The following GABRB1 variants were observed in gnomAD, a reference collection of about 807,000 sequenced individuals.
GABRB1 encodes gamma-aminobutyric acid receptor subunit beta-1.
Under a neutral mutation model 51.6 loss-of-function variants are expected in GABRB1, and 17 were observed. The ratio of observed to expected loss-of-function variants is 0.33; its 90% CI spans 0.23 to 0.49. The LOEUF is 0.49. Among genes scored for constraint, GABRB1 ranks in the 20% least tolerant of loss-of-function variants. GABRB1 has a pLI of 0.99. For missense variants in GABRB1, 410 were observed against 600.6 expected, an observed-to-expected ratio of 0.68 and a Z score of 3.32; for synonymous variants, 247 against 218.9, an observed-to-expected ratio of 1.13 and a Z score of -1.14.
intron 3 of GABRB1, among the ~76,000 whole-genome samples, chr4:47,039,718 T>C (rs1446086281): frequency 2.0e-5 from 3 of 152,132 alleles, no homozygotes; most frequent in African/African-American, 7.2e-5. Context: ...TTGCAGCCTA[T>C]ATACATTTCC....
At chr4:47,253,273 A>C (rs1041126488) in intron 4 of GABRB1, among the ~76,000 whole-genome samples, 1 of 152,228 alleles carries the variant, frequency 6.6e-6, no homozygotes, top group Non-Finnish European at 1.5e-5. Context: ...AGAGGTTGTT[A>C]GTTGTTTATG....
intron 3 of GABRB1, among the ~76,000 whole-genome samples, chr4:47,064,892 A>G (rs933954009): frequency 9.9e-5 from 15 of 152,200 alleles, no homozygotes; most frequent in African/African-American, 3.6e-4. Flanking sequence ...AATGTTTGTG[A>G]AAGCCAATAG....
chr4:47,400,281 A>G (rs1189100646), intron 5 of GABRB1, among the ~76,000 whole-genome samples: 2 of 152,212 alleles, frequency 1.3e-5, no homozygotes, highest in Non-Finnish European at 2.9e-5. Flanking sequence ...ATTTTTACCA[A>G]GAGTGAGGAA....
intron 3 of GABRB1, chr4:47,043,291 C>T (rs1725937258): frequency 6.6e-6 from 1 of 152,032 alleles, no homozygotes; most frequent in South Asian, 2.1e-4. Flanking sequence ...GATATATTCA[C>T]AAAACTGGAA....
At chr4:47,312,816 C>A (rs533552854) in intron 4 of GABRB1, among the ~76,000 whole-genome samples, 3 of 152,190 alleles carry the variant, frequency 2.0e-5, no homozygotes, top group African/African-American at 7.2e-5. Flanking sequence ...TTGCTATTTG[C>A]AAATGTACCC....
At chr4:47,249,434 G>T (rs1721895094) in intron 4 of GABRB1, among the ~76,000 whole-genome samples, 1 of 152,050 alleles carries the variant, frequency 6.6e-6, no homozygotes, top group South Asian at 2.1e-4. Context: ...CTATCATGTG[G>T]TCTATCTTGG....
intron 3 of GABRB1, among the ~76,000 whole-genome samples, chr4:47,124,835 G>A: frequency 6.6e-6 from 1 of 152,112 alleles, no homozygotes; most frequent in African/African-American, 2.4e-5. Flanking sequence ...AAATGAAAAG[G>A]AGGAAGGAAA....
chr4:47,354,492 T>C (rs560627502), intron 5 of GABRB1, among the ~76,000 whole-genome samples: 2 of 152,170 alleles, frequency 1.3e-5, no homozygotes, highest in Non-Finnish European at 2.9e-5. Context: ...CCCAGAACTC[T>C]GTGTTCTCAT....
intron 4 of GABRB1, among the ~76,000 whole-genome samples, chr4:47,285,734 A>G (rs1344023257): frequency 6.6e-5 from 10 of 152,200 alleles, no homozygotes; most frequent in Non-Finnish European, 2.9e-5. Flanking sequence ...TCTCTGAAAT[A>G]GCATCTACAT....
intron 4 of GABRB1, among the ~76,000 whole-genome samples, chr4:47,190,439 C>T (rs1232789029): frequency 6.6e-6 from 1 of 152,080 alleles, no homozygotes; most frequent in Non-Finnish European, 1.5e-5. Flanking sequence ...AAACTATGTG[C>T]TAACGGCTTT....
Position 47,392,402 on chromosome 4 carries a change from A to G in GABRB1, c.545-10916A>G, listed in dbSNP as rs13109462. The stretch of plus-strand genomic sequence containing the variant: ...TCACCAGGCTGAATGAAGTGCAATG[A>G]CACAATCTCGGCTCACTGCAACCTC... On this transcript the variant is annotated intron_variant, in intron 5 of 8. Transcript: ENST00000295454. Among the ~76,000 whole-genome samples, 746 of 146,068 alleles carry G rather than the reference A, an allele frequency of 5.1e-3. 7 individuals are homozygous for G. Among genetic ancestry groups the G allele is most frequent in the African/African-American group, 0.017 (680 of 39,068 alleles).
At chr4:47,404,176 C>T (rs1173822075) in intron 7 of GABRB1, among the ~76,000 whole-genome samples, 1 of 152,094 alleles carries the variant, frequency 6.6e-6, no homozygotes, top group African/African-American at 2.4e-5. Context: ...CGTATCAAGC[C>T]ACGTCTCCTT....
intron 4 of GABRB1, among the ~76,000 whole-genome samples, chr4:47,244,083 T>G (rs1560294504): frequency 6.6e-6 from 1 of 152,220 alleles, no homozygotes; most frequent in Non-Finnish European, 1.5e-5. Flanking sequence ...ATTGAGAGTT[T>G]TTAGCATGAA....
intron 3 of GABRB1, among the ~76,000 whole-genome samples, chr4:47,093,747 G>C (rs1026654891): frequency 6.6e-6 from 1 of 152,164 alleles, no homozygotes; most frequent in African/African-American, 2.4e-5. Flanking sequence ...TTTAAGAGTT[G>C]ATAAGGCACC....
intron 1 of GABRB1, among the ~76,000 whole-genome samples, chr4:47,001,107 G>A (rs1217253517): frequency 6.6e-6 from 1 of 152,040 alleles, no homozygotes; most frequent in Non-Finnish European, 1.5e-5. Flanking sequence ...CAGATGTTTG[G>A]TAAGATATTA....
At chr4:47,275,724 T>G (rs1341689512) in intron 4 of GABRB1, among the ~76,000 whole-genome samples, 3 of 152,142 alleles carry the variant, frequency 2.0e-5, no homozygotes. Flanking sequence ...TCATTTTTGT[T>G]GTGCAAAATT....
chr4:47,191,167 T>C (rs145274792), intron 4 of GABRB1, among the ~76,000 whole-genome samples: 2 of 152,146 alleles, frequency 1.3e-5, no homozygotes, highest in African/African-American at 2.4e-5. Flanking sequence ...ACTAAACCAA[T>C]GTTAAGTTTT....
At chr4:47,053,254 T>C (rs1726435576) in intron 3 of GABRB1, among the ~76,000 whole-genome samples, 6 of 152,168 alleles carry the variant, frequency 3.9e-5, no homozygotes, top group Admixed American at 3.3e-4. Flanking sequence ...AAAATTATCA[T>C]AGGCTCTGTG....
chr4:47,124,229 G>A (rs1716007726), intron 3 of GABRB1, among the ~76,000 whole-genome samples: 1 of 151,680 alleles, frequency 6.6e-6, no homozygotes, highest in Non-Finnish European at 1.5e-5. Flanking sequence ...ATTGGATATT[G>A]GCATTAGAAG....
Sources: allele counts gnomAD v4.1 joint callset (sites outside exome capture counted in the v4.1 genomes callset), GRCh38; gene constraint gnomAD v4.1.1; transcripts MANE v1.5; gene names NCBI Gene and HGNC (gene_info 2026-07-23, HGNC 2026-07-21).